Variants in EYS observed in about 807,000 individuals in gnomAD.
EYS encodes the protein protein eyes shut homolog.
In EYS, 250 loss-of-function variants were observed where a neutral mutation model predicts 282.1. The ratio of observed to expected loss-of-function variants is 0.89; its 90% confidence interval spans 0.80 to 0.98. The LOEUF (loss-of-function observed/expected upper bound fraction) is 0.98, where lower values mean the gene tolerates loss of function less well. EYS is among the 50% of genes least tolerant of loss of function. The pLI is 0.00. For missense variants in EYS, 4,016 were observed against 3,709.0 expected (o/e 1.08, Z -2.15); for synonymous variants, 1,355 against 1,282.9 (o/e 1.06, Z -1.20).
chr6:64,104,140 A>G (rs1483150378), intron 31 of EYS, among the ~76,000 whole-genome samples: 1 of 152,194 alleles, frequency 6.6e-6, no homozygotes, highest in Non-Finnish European at 1.5e-5. Flanking sequence ...GCTGGACATA[A>G]AAGCTGAAGA....
At chr6:63,991,390 T>C (rs1767595639) in intron 34 of EYS, among the ~76,000 whole-genome samples, 1 of 151,578 alleles carries the variant, frequency 6.6e-6, no homozygotes, top group Admixed American at 6.6e-5. Context: ...GAGACAACCC[T>C]TTAAAAAGAG....
intron 33 of EYS, among the ~76,000 whole-genome samples, chr6:64,037,814 C>T (rs1232479605): frequency 6.6e-6 from 1 of 152,114 alleles, no homozygotes; most frequent in Non-Finnish European, 1.5e-5. Context: ...GAATTTTATG[C>T]CTGCCTCAAA....
chr6:65,002,943 C>T (rs1035163865), intron 13 of EYS, among the ~76,000 whole-genome samples: 1 of 147,540 alleles, frequency 6.8e-6, no homozygotes, highest in African/African-American at 2.4e-5. Flanking sequence ...ATCTCTTAAT[C>T]CTGTCAGCTG....
chr6:64,635,975 C>A (rs924402375), intron 22 of EYS, among the ~76,000 whole-genome samples: 2 of 152,058 alleles, frequency 1.3e-5, no homozygotes, highest in Admixed American at 1.3e-4. Context: ...GGTTGGTAAG[C>A]TATTGATTAT....
At chr6:65,581,124 G>T (rs1482650104) in intron 2 of EYS, among the ~76,000 whole-genome samples, 2 of 152,012 alleles carry the variant, frequency 1.3e-5, no homozygotes, top group South Asian at 2.1e-4. Context: ...CTTAATCAAA[G>T]AAACTGTAAA....
Position 64,029,176 on chromosome 6 carries a change from G to A in EYS, c.6726-29993C>T, listed in dbSNP as rs187627766. On this transcript the variant is annotated intron_variant, in intron 33 of 42. Coordinates refer to ENST00000503581, the MANE Select transcript of EYS (RefSeq NM_001142800.2). ...GCCCTAGTACAAGCTCCAGGTTTAA[G>A]CCTTCCCACAGGACACAACTTCTCT... Among the ~76,000 whole-genome samples the A allele has an allele frequency of 2.6e-5, 4 of 152,298 alleles. No individual in the cohort carries two copies. In the East Asian group the frequency reaches 7.7e-4, roughly 29 times the overall value.
At chr6:65,267,054 C>T (rs1239170619) in intron 12 of EYS, among the ~76,000 whole-genome samples, 1 of 150,828 alleles carries the variant, frequency 6.6e-6, no homozygotes, top group Non-Finnish European at 1.5e-5. Context: ...TTTTGGTTCA[C>T]AAGTCTTGCT....
intron 30 of EYS, among the ~76,000 whole-genome samples, chr6:64,302,272 A>G (rs1316681916): frequency 6.6e-6 from 1 of 152,148 alleles, no homozygotes; most frequent in Non-Finnish European, 1.5e-5. Context: ...CTAGCTAAAC[A>G]AAGTATCCTG....
intron 40 of EYS, among the ~76,000 whole-genome samples, chr6:63,775,361 A>T (rs1770039791): frequency 6.6e-6 from 1 of 152,228 alleles, no homozygotes; most frequent in Admixed American, 6.5e-5. Context: ...TTATAACATT[A>T]AACTGTTCAT....
chr6:63,813,594 A>G (rs1352433247), intron 36 of EYS, among the ~76,000 whole-genome samples: 1 of 152,180 alleles, frequency 6.6e-6, no homozygotes, highest in East Asian at 1.9e-4. Context: ...TGTTTGGTCT[A>G]AATATATAAT....
At chr6:65,346,670 C>A (rs151000809) in intron 9 of EYS, among the ~76,000 whole-genome samples, 4 of 151,708 alleles carry the variant, frequency 2.6e-5, no homozygotes, top group Admixed American at 1.3e-4. Flanking sequence ...GGAAAAAGGA[C>A]TTTTTAGGGG....
At chr6:65,451,128 ATTTTTCTATTCTATT>A (rs2150401719) in intron 5 of EYS, among the ~76,000 whole-genome samples, 1 of 152,042 alleles carries the variant, frequency 6.6e-6, no homozygotes, top group East Asian at 1.9e-4. Flanking sequence ...GATTAATAGA[ATTTTTCTATTCTATT>A]AATCTAGATT....
chr6:64,639,663 TTCATG>T lies in EYS; in HGVS notation c.3444-13423_3444-13419del, dbSNP rs1346689151. On this transcript the variant is annotated intron_variant, in intron 22 of 42. Transcript: ENST00000503581. ...TCAGGACATAGGCATGGGCAAGGAC[TTCATG>T]TCTAAAACACCAAAAGCAATGGCAA... is the stretch of plus-strand genomic sequence containing the variant. Among the ~76,000 whole-genome samples the T allele has an allele frequency of 8.8e-5, 8 of 90,724 alleles. 3 individuals are homozygous for T. The highest frequency in any genetic ancestry group is 3.4e-4 in the African/African-American group (8 of 23,784). 59.5% of individuals were successfully genotyped at this position (90,724 alleles called of 152,430 possible).
At chr6:63,840,313 C>A (rs1012796621) in intron 36 of EYS, among the ~76,000 whole-genome samples, 4 of 151,738 alleles carry the variant, frequency 2.6e-5, no homozygotes, top group Non-Finnish European at 4.4e-5. Context: ...ATTCACCTGC[C>A]TCGGCCTCCC....
intron 12 of EYS, among the ~76,000 whole-genome samples, chr6:65,080,765 C>A (rs1048912720): frequency 2.0e-5 from 3 of 152,052 alleles, no homozygotes; most frequent in Non-Finnish European, 4.4e-5. Context: ...AAGTTCCTAA[C>A]CTTTTAATAA....
At chr6:65,089,423 A>T (rs1045291531) in intron 12 of EYS, among the ~76,000 whole-genome samples, 11 of 152,150 alleles carry the variant, frequency 7.2e-5, no homozygotes, top group African/African-American at 2.2e-4. Flanking sequence ...TTTGGAACTT[A>T]AAGGTTTAAT....
At position 64,554,109 on chromosome 6, in the gene EYS, A is replaced by G. The variant is rs145286674; in HGVS notation, c.5644+36114T>C. Among the ~76,000 whole-genome samples, 9 of 152,264 alleles carry G rather than the reference A, an allele frequency of 5.9e-5. No individual in the cohort carries two copies. The South Asian group carries it at 1.0e-3, about 18-fold the overall frequency. On this transcript the variant is annotated intron_variant, in intron 26 of 42. Transcript: ENST00000503581. ...AAATATTTGTAGGTTCAATTTAATT[A>G]TCATATATTGAAAGGTGCTTAGTGC... is the stretch of plus-strand genomic sequence containing the variant.
intron 14 of EYS, among the ~76,000 whole-genome samples, chr6:64,952,534 T>G (rs1562273464): frequency 6.6e-6 from 1 of 152,006 alleles, no homozygotes; most frequent in Non-Finnish European, 1.5e-5. Flanking sequence ...AAACTACTTC[T>G]CAGTCTCTGT....
intron 22 of EYS, among the ~76,000 whole-genome samples, chr6:64,685,009 G>A (rs1284258364): frequency 6.6e-6 from 1 of 151,930 alleles, no homozygotes; most frequent in Admixed American, 6.6e-5. Context: ...AAATAGATAA[G>A]TCTCAACTAC....
Sources: allele counts gnomAD v4.1 joint callset (sites outside exome capture counted in the v4.1 genomes callset), GRCh38; gene constraint gnomAD v4.1.1; transcripts MANE v1.5; gene names NCBI Gene and HGNC (gene_info 2026-07-23, HGNC 2026-07-21).